Variants in RSPH1 observed in about 807,000 individuals in gnomAD.
The protein encoded by RSPH1 is radial spoke head component 1, also known as radial spoke head 1 homolog.
Under a neutral mutation model 44.2 loss-of-function variants are expected in RSPH1, and 32 were observed. The observed-to-expected ratio is 0.72, with a 90% confidence interval of 0.55 to 0.97. RSPH1 has a LOEUF of 0.97. RSPH1 is among the 50% of genes least tolerant of loss of function. The pLI, the probability that RSPH1 is intolerant of heterozygous loss-of-function variation, is 0.00. For synonymous variants in RSPH1, 134 were observed against 147.3 expected, an observed-to-expected ratio of 0.91 and a Z score of 0.65; for missense variants, 391 against 398.7, an observed-to-expected ratio of 0.98 and a Z score of 0.16.
intron 8 of RSPH1, among the ~76,000 whole-genome samples, chr21:42,473,890 C>A (rs527777309): frequency 6.6e-6 from 1 of 152,226 alleles, no homozygotes; most frequent in South Asian, 2.1e-4. Flanking sequence ...CCAGACATTG[C>A]CAAATGTCCC....
chr21:42,480,597 G>A (rs1041963683), intron 6 of RSPH1, among the ~76,000 whole-genome samples: 1 of 118,794 alleles, frequency 8.4e-6, no homozygotes, highest in Non-Finnish European at 1.6e-5. Context: ...CCGAGATCAC[G>A]CCATTGCACT....
In RSPH1 at chr21:42,482,673, C is replaced by A. The variant is rs775465501; in HGVS notation, c.537G>T (p.Gly179=). 5 of 1,613,480 alleles carry A rather than the reference C, an allele frequency of 3.1e-6. No individual in the cohort carries two copies. In the Admixed American group the frequency reaches 8.4e-5, roughly 27 times the overall value. Residue 179 remains glycine (G), a synonymous_variant, in exon 6 of 9, where the codon GGG becomes GGT. Coordinates refer to ENST00000291536, the MANE Select transcript of RSPH1 (RefSeq NM_080860.4). ...AACGATATTCACCATGTTGTTCACACCCAACATCAAATACATACTTTCCAG... is the reference window on the plus strand; with the variant it reads ...AACGATATTCACCATGTTGTTCACAACCAACATCAAATACATACTTTCCAG... ...VGPGKYVFDV[G]CEQHGEYRLT...
intron 3 of RSPH1, among the ~76,000 whole-genome samples, chr21:42,487,109 C>T (rs1230897885): frequency 6.6e-6 from 1 of 152,202 alleles, no homozygotes; most frequent in South Asian, 2.1e-4. Context: ...CTCACCTCCT[C>T]ACCTCCATAC....
chr21:42,484,074 G>A (rs946388111), intron 5 of RSPH1, among the ~76,000 whole-genome samples: 1 of 152,126 alleles, frequency 6.6e-6, no homozygotes, highest in African/African-American at 2.4e-5. Flanking sequence ...ACAAGGACAT[G>A]TACAGGGAAT....
At chr21:42,476,264 C>T (rs950820025) in intron 7 of RSPH1, among the ~76,000 whole-genome samples, 1 of 152,040 alleles carries the variant, frequency 6.6e-6, no homozygotes, top group African/African-American at 2.4e-5. Context: ...GGGATGGGAG[C>T]AGGTAGTCTG....
At chr21:42,483,682 GCTAAAC>G in intron 5 of RSPH1, among the ~76,000 whole-genome samples, 1 of 151,958 alleles carries the variant, frequency 6.6e-6, no homozygotes, top group Non-Finnish European at 1.5e-5. Context: ...TTTTTATAAA[GCTAAAC>G]CTATTGGTTT....
In RSPH1 at chr21:42,477,481, T is replaced by C. The variant is rs370218197; in HGVS notation, c.574-37A>G. 1.1e-4 allele frequency: 174 copies of C among 1,602,958 alleles called. No homozygotes were observed. In the South Asian group the frequency reaches 1.4e-3, roughly 13 times the overall value. ...GCAAAAATGTACATTTACCAACATTTGTGTCATCTTGGTCTGGAATATTAA... is the reference window on the plus strand; with the variant it reads ...GCAAAAATGTACATTTACCAACATTCGTGTCATCTTGGTCTGGAATATTAA... On this transcript the variant is annotated intron_variant, in intron 6 of 8. Coordinates refer to ENST00000291536, the MANE Select transcript of RSPH1 (RefSeq NM_080860.4).
At chr21:42,477,270 C>G in intron 7 of RSPH1, 21 bp downstream of exon 7, 1 of 1,600,876 alleles carries the variant, frequency 6.2e-7, no homozygotes, top group South Asian at 1.1e-5. Flanking sequence ...CTCCACCCCA[C>G]AGCCCGGGGG....
chr21:42,494,437 G>A (rs954260362), intron 1 of RSPH1, among the ~76,000 whole-genome samples: 2 of 152,154 alleles, frequency 1.3e-5, no homozygotes, highest in Non-Finnish European at 2.9e-5. Context: ...CGACCTCACA[G>A]ATTTGTTTCA....
chr21:42,473,615 A>C (rs1474509630), intron 8 of RSPH1, among the ~76,000 whole-genome samples: 1 of 152,110 alleles, frequency 6.6e-6, no homozygotes, highest in Non-Finnish European at 1.5e-5. Flanking sequence ...TGTTGGGTAT[A>C]TTAAAGAAGA....
At chr21:42,486,056 G>A (rs1414053352) in intron 4 of RSPH1, 2 of 590,550 alleles carry the variant, frequency 3.4e-6, no homozygotes, top group Non-Finnish European at 6.0e-6. Flanking sequence ...GCTTTCCCCA[G>A]GGAAGAGGCA....
chr21:42,490,719 A>C (rs2054227343), intron 3 of RSPH1, among the ~76,000 whole-genome samples: 1 of 152,196 alleles, frequency 6.6e-6, no homozygotes, highest in Non-Finnish European at 1.5e-5. Flanking sequence ...GACTGATAGA[A>C]ATGTTTTTGT....
At chr21:42,478,711 A>C (rs565940255) in intron 6 of RSPH1, among the ~76,000 whole-genome samples, 1 of 152,356 alleles carries the variant, frequency 6.6e-6, no homozygotes, top group Admixed American at 6.5e-5. Context: ...AACCAAAGGA[A>C]CTGAAAACAG....
chr21:42,482,081 G>GTTGT (rs531910257), intron 6 of RSPH1, among the ~76,000 whole-genome samples: 23 of 152,022 alleles, frequency 1.5e-4, no homozygotes, highest in African/African-American at 2.9e-4. Context: ...TTATTTATTG[G>GTTGT]TTGTTTGTTT....
chr21:42,493,754 T>C (rs1020537500), intron 1 of RSPH1, among the ~76,000 whole-genome samples: 2 of 152,180 alleles, frequency 1.3e-5, no homozygotes, highest in African/African-American at 4.8e-5. Context: ...CTATCTGTGG[T>C]TTGTTTTTGT....
At chr21:42,489,853 A>G (rs2054218450) in intron 3 of RSPH1, among the ~76,000 whole-genome samples, 1 of 152,210 alleles carries the variant, frequency 6.6e-6, no homozygotes, top group Non-Finnish European at 1.5e-5. Flanking sequence ...GCATCCCAAC[A>G]GTCAAGTGCT....
At chr21:42,486,563 G>T in intron 3 of RSPH1, 102 bp from the exon 4 acceptor site, 1 of 816,912 alleles carries the variant, frequency 1.2e-6, no homozygotes, top group Non-Finnish European at 2.1e-6. Context: ...GATGTGTTGT[G>T]AAGCAAATGA....
At chr21:42,477,004 CCGGGGGA>C (rs1239406508) in intron 7 of RSPH1, among the ~76,000 whole-genome samples, 7 of 33,678 alleles carry the variant, frequency 2.1e-4, no homozygotes, top group Non-Finnish European at 4.7e-4. Context: ...GTCCCACAGC[CCGGGGGA>C]TGCCCCACAC....
intron 3 of RSPH1, 118 bp from the exon 4 acceptor site, chr21:42,486,579 A>T (rs1452986166): frequency 1.4e-6 from 1 of 736,356 alleles, no homozygotes; most frequent in Non-Finnish European, 2.5e-6. Flanking sequence ...AATGAAGCCC[A>T]TGCACACACA....
Sources: gnomAD v4.1 joint callset for allele counts (sites outside exome capture counted in the v4.1 genomes callset) on GRCh38, gnomAD v4.1.1 for gene constraint, MANE v1.5 for transcripts, NCBI Gene and HGNC (gene_info 2026-07-23, HGNC 2026-07-21) for gene names.